PIAS2: variants seen among roughly 807,000 people sequenced by gnomAD.
PIAS2 encodes the protein protein inhibitor of activated STAT 2.
PIAS2 carries 19 observed loss-of-function variants against 69.7 expected under a neutral mutation model. That is an observed-to-expected ratio of 0.27 (90% CI 0.19 to 0.40). PIAS2 has a LOEUF of 0.40. Ranked by LOEUF, PIAS2 falls within the 10% of genes least tolerant of loss-of-function variation. The pLI is 1.00. For synonymous variants in PIAS2, 261 were observed against 263.2 expected (o/e 0.99, Z 0.08); for missense variants, 624 against 757.0 (o/e 0.82, Z 2.06).
At chr18:46,834,744 T>A (rs1410730675) in intron 9 of PIAS2, among the ~76,000 whole-genome samples, 2 of 152,174 alleles carry the variant, frequency 1.3e-5, no homozygotes, top group Admixed American at 1.3e-4. Flanking sequence ...CCTTCCAAAG[T>A]GCTGGGATGA....
intron 9 of PIAS2, among the ~76,000 whole-genome samples, chr18:46,831,071 G>A (rs1303294877): frequency 6.6e-6 from 1 of 151,994 alleles, no homozygotes; most frequent in Non-Finnish European, 1.5e-5. Flanking sequence ...CAAGGCGGTG[G>A]GAAAACAAAA....
chr18:46,848,389 C>T (rs1377172320), intron 5 of PIAS2, among the ~76,000 whole-genome samples: 3 of 152,168 alleles, frequency 2.0e-5, no homozygotes, highest in Admixed American at 6.5e-5. Flanking sequence ...ACCAGTCACG[C>T]CATGCCAATA....
At chr18:46,917,096 C>A in intron 1 of PIAS2, 2 of 989,524 alleles carry the variant, frequency 2.0e-6, no homozygotes, top group Non-Finnish European at 2.4e-6. Flanking sequence ...CACTCAGGAG[C>A]CGGCTCGCCG....
chr18:46,867,287 T>C (rs989751446), intron 2 of PIAS2, among the ~76,000 whole-genome samples: 1 of 152,196 alleles, frequency 6.6e-6, no homozygotes, highest in Non-Finnish European at 1.5e-5. Flanking sequence ...CATTGCTATA[T>C]ACTATAACCA....
chr18:46,837,797 C>T (rs926003113), intron 8 of PIAS2, among the ~76,000 whole-genome samples: 4 of 152,132 alleles, frequency 2.6e-5, no homozygotes, highest in Admixed American at 1.3e-4. Flanking sequence ...GAAAATATCA[C>T]TGTTTATAAC....
intron 3 of PIAS2, among the ~76,000 whole-genome samples, chr18:46,860,768 G>C (rs2048535090): frequency 6.6e-6 from 1 of 152,084 alleles, no homozygotes; most frequent in Admixed American, 6.5e-5. Context: ...CTTGAGCACA[G>C]GTGTCTGAGA....
In PIAS2 at chr18:46,803,226, T is replaced by C. The variant is rs762815310; in HGVS notation, c.*9207A>G. 2.6e-5 allele frequency: 4 copies of C among 152,132 alleles called. No homozygotes were observed. The highest frequency in any genetic ancestry group is 5.9e-5 in the Non-Finnish European group (4 of 68,016). 9.4% of individuals were successfully genotyped at this position (152,132 alleles called of 1,614,324 possible). A position where few individuals can be genotyped will look rare whatever the true frequency, so the allele number is the denominator to read the frequency against. ...CCAATGAAAGCAATGGGTCATAGTT[T>C]AATTAGCAGGTTTAATTTTTCTTTA... On this transcript the variant is annotated 3_prime_UTR_variant, in exon 14 of 14. Transcript: ENST00000585916.
At chr18:46,865,201 G>GCCT (rs2049246399) in intron 2 of PIAS2, among the ~76,000 whole-genome samples, 2 of 151,910 alleles carry the variant, frequency 1.3e-5, no homozygotes, top group Admixed American at 1.3e-4. Flanking sequence ...ATATATAGAG[G>GCCT]CCTCAAGTCT....
At chr18:46,840,066 CAGG>C (rs1218160962) in intron 8 of PIAS2, among the ~76,000 whole-genome samples, 2 of 151,944 alleles carry the variant, frequency 1.3e-5, no homozygotes, top group Non-Finnish European at 2.9e-5. Flanking sequence ...GAGGCTGAGG[CAGG>C]AGAATTGCTT....
intron 1 of PIAS2, among the ~76,000 whole-genome samples, chr18:46,909,838 GT>G (rs931448655): frequency 6.6e-6 from 1 of 152,046 alleles, no homozygotes; most frequent in African/African-American, 2.4e-5. Context: ...AAACTTTACA[GT>G]TTTTTTCTCT....
chr18:46,918,445 C>T (rs964831036), upstream of PIAS2, among the ~76,000 whole-genome samples: 15 of 152,186 alleles, frequency 9.9e-5, no homozygotes, highest in Non-Finnish European at 1.9e-4. Context: ...CTCCCCTGCC[C>T]CCGCACCCCG....
chr18:46,913,360 T>C (rs1419051678), intron 1 of PIAS2, among the ~76,000 whole-genome samples: 5 of 152,152 alleles, frequency 3.3e-5, no homozygotes, highest in African/African-American at 1.2e-4. Flanking sequence ...GATCTTCGAA[T>C]TATGACACAA....
intron 11 of PIAS2, among the ~76,000 whole-genome samples, chr18:46,824,839 CA>C (rs35873943): frequency 1.4e-3 from 132 of 91,558 alleles, no homozygotes; most frequent in Non-Finnish European, 1.6e-3. Context: ...CCCATGTTTA[CA>C]AAAAAAAAAA....
At chr18:46,823,676 A>G (rs2042454971) in intron 11 of PIAS2, among the ~76,000 whole-genome samples, 1 of 152,256 alleles carries the variant, frequency 6.6e-6, no homozygotes, top group Non-Finnish European at 1.5e-5. Flanking sequence ...TTAGTAAATC[A>G]ACATCTAAAA....
rs1182891949 is a variant in PIAS2 at position 46,805,540 on chromosome 18, TA to T, written c.*6892del. On this transcript the variant is annotated 3_prime_UTR_variant, in exon 14 of 14. Coordinates refer to ENST00000585916, the MANE Select transcript of PIAS2 (RefSeq NM_004671.5). Reference sequence around the variant, plus strand: ...TTTTTAGAGACGTGTAACGATGCAGTAGGGGGGAAGGACAGCAACCACTGTA... The same window carrying T: ...TTTTTAGAGACGTGTAACGATGCAGTGGGGGGAAGGACAGCAACCACTGTA... 1 of 151,954 alleles carries T rather than the reference TA, an allele frequency of 6.6e-6. No homozygotes were observed. The highest frequency in any genetic ancestry group is 1.5e-5 in the Non-Finnish European group (1 of 68,026). The allele number at this position is 151,954 out of a possible 1,614,324, so 9.4% of individuals were successfully genotyped here. A position where few individuals can be genotyped will look rare whatever the true frequency, so the allele number is the denominator to read the frequency against.
At chr18:46,912,282 A>G (rs1267115080) in intron 1 of PIAS2, among the ~76,000 whole-genome samples, 1 of 152,228 alleles carries the variant, frequency 6.6e-6, no homozygotes, top group Non-Finnish European at 1.5e-5. Context: ...GAAATGGCAT[A>G]GTATTTGCAT....
At chr18:46,919,153 C>G (rs900819746), upstream of PIAS2, among the ~76,000 whole-genome samples, 5 of 151,270 alleles carry the variant, frequency 3.3e-5, no homozygotes, top group Non-Finnish European at 7.4e-5. Flanking sequence ...GAGTTGCAGA[C>G]CAGCCAGGCC....
chr18:46,912,943 C>T (rs2146319197), intron 1 of PIAS2, among the ~76,000 whole-genome samples: 1 of 152,218 alleles, frequency 6.6e-6, no homozygotes, highest in Non-Finnish European at 1.5e-5. Context: ...CCCCAGGCTC[C>T]CAAAATGCTG....
At chr18:46,822,443 G>A (rs1167247942) in intron 11 of PIAS2, among the ~76,000 whole-genome samples, 4 of 152,140 alleles carry the variant, frequency 2.6e-5, no homozygotes, top group African/African-American at 7.2e-5. Context: ...ACAGAAGGAA[G>A]TTATCTTCCA....
Sources: allele counts gnomAD v4.1 joint callset (sites outside exome capture counted in the v4.1 genomes callset), GRCh38; gene constraint gnomAD v4.1.1; transcripts MANE v1.5; gene names NCBI Gene and HGNC (gene_info 2026-07-23, HGNC 2026-07-21).